Variants in ARVCF observed in about 807,000 individuals in gnomAD.
ARVCF encodes the protein splicing regulator ARVCF.
ARVCF carries 66 observed loss-of-function variants against 90.9 expected under a neutral mutation model. The observed-to-expected ratio is 0.73, with a 90% CI of 0.60 to 0.89. The LOEUF (loss-of-function observed/expected upper bound fraction) is 0.89, where lower values mean the gene tolerates loss of function less well. ARVCF is among the 40% of genes least tolerant of loss of function. The probability of loss-of-function intolerance (pLI) is 0.00; values close to 1 mark genes in which losing one functional copy is unlikely to be tolerated. For synonymous variants in ARVCF, 653 were observed against 603.4 expected (o/e 1.08, Z -1.21); for missense variants, 1,469 against 1,382.3 (o/e 1.06, Z -1.00).
chr22:20,012,591 C>T (rs750622118), intron 1 of ARVCF, among the ~76,000 whole-genome samples: 5 of 152,266 alleles, frequency 3.3e-5, no homozygotes, highest in Admixed American at 2.0e-4. Context: ...GGGGGAATGA[C>T]CACGCCCTTT....
At chr22:19,979,609 C>G in intron 6 of ARVCF, 134 bp downstream of exon 6, 1 of 1,326,178 alleles carries the variant, frequency 7.5e-7, no homozygotes, top group Non-Finnish European at 1.0e-6. Context: ...CTGGGGCAAG[C>G]GTCTCAGCAG....
intron 3 of ARVCF, among the ~76,000 whole-genome samples, chr22:19,987,644 G>A (rs1392233012): frequency 6.6e-6 from 1 of 152,084 alleles, no homozygotes; most frequent in Non-Finnish European, 1.5e-5. Flanking sequence ...CACCTGCCAT[G>A]AAATGGGGGC....
Position 20,012,018 on chromosome 22 carries a change from A to G in ARVCF, c.-72-1510T>C, listed in dbSNP as rs138900476. On this transcript the variant is annotated intron_variant, in intron 1 of 19. Coordinates refer to ENST00000263207, the MANE Select transcript of ARVCF (RefSeq NM_001670.3). The stretch of plus-strand genomic sequence containing the variant: ...TTTACACATGGAGAAACTGGGTCCC[A>G]GCCAGACAAGGGCTGGGCCAGGATT... Among the ~76,000 whole-genome samples the G allele has an allele frequency of 4.8e-3, 729 of 151,908 alleles. 6 individuals are homozygous for G. The highest frequency in any genetic ancestry group is 0.016 in the African/African-American group (661 of 41,360).
At chr22:19,975,792 C>T in intron 10 of ARVCF, 35 bp from the exon 11 acceptor site, 1 of 1,607,214 alleles carries the variant, frequency 6.2e-7, no homozygotes, top group Non-Finnish European at 8.5e-7. Flanking sequence ...TGAGGCAGAC[C>T]CCATATGGGG....
chr22:19,977,263 G>T, intron 9 of ARVCF, 152 bp downstream of exon 9: 1 of 1,075,060 alleles, frequency 9.3e-7, no homozygotes, highest in Non-Finnish European at 1.3e-6. Flanking sequence ...GGGCAGTCCA[G>T]CCTCCTTGAC....
chr22:20,002,906 C>T (rs1003936599), intron 2 of ARVCF, among the ~76,000 whole-genome samples: 8 of 152,140 alleles, frequency 5.3e-5, no homozygotes, highest in Non-Finnish European at 1.0e-4. Flanking sequence ...TTTTTACTGG[C>T]TCAGGAAATT....
chr22:20,010,224 C>G (rs1944776643), intron 2 of ARVCF, among the ~76,000 whole-genome samples: 1 of 152,250 alleles, frequency 6.6e-6, no homozygotes, highest in African/African-American at 2.4e-5. Flanking sequence ...GACATCAAAC[C>G]AGTGGCTGCT....
At chr22:19,969,428 G>A (rs1249639814), downstream of ARVCF, 1 of 152,518 alleles carries the variant, frequency 6.6e-6, no homozygotes, top group African/African-American at 2.4e-5. Context: ...AAGAGGCAAT[G>A]GCTCAGACCA....
At chr22:19,998,192 G>A (rs772358670) in intron 2 of ARVCF, among the ~76,000 whole-genome samples, 2 of 152,216 alleles carry the variant, frequency 1.3e-5, no homozygotes, top group South Asian at 2.1e-4. Context: ...CAGTCACCAC[G>A]CTGGCCACCA....
intron 2 of ARVCF, among the ~76,000 whole-genome samples, chr22:19,992,055 C>A (rs148899228): frequency 4.1e-4 from 62 of 152,376 alleles, no homozygotes; most frequent in African/African-American, 1.3e-3. Flanking sequence ...GGACAGAGAG[C>A]CCCCAAGAGG....
At chr22:19,975,816 G>C (rs9606201) in intron 10 of ARVCF, 59 bp from the exon 11 acceptor site, 12 of 1,572,450 alleles carry the variant, frequency 7.6e-6, no homozygotes, top group Non-Finnish European at 9.6e-6. Flanking sequence ...GGGTGTATCA[G>C]GAGAGTTGGG....
chr22:19,980,517 G>C (rs1943434455), intron 5 of ARVCF: 3 of 420,634 alleles, frequency 7.1e-6, no homozygotes, highest in Admixed American at 4.1e-5. Context: ...CTGTCACCGG[G>C]CAGTTTCCCA....
intron 2 of ARVCF, among the ~76,000 whole-genome samples, chr22:19,999,408 G>A (rs1382004749): frequency 2.0e-5 from 3 of 152,202 alleles, no homozygotes; most frequent in Non-Finnish European, 4.4e-5. Context: ...CTGACTACTA[G>A]GGAGTGGGGC....
Position 19,980,085 on chromosome 22 carries a change from C to A in ARVCF, c.1054G>T (p.Glu352Ter). 3 of 1,583,422 alleles carry A rather than the reference C, an allele frequency of 1.9e-6. No individual in the cohort carries two copies. Among genetic ancestry groups the A allele is most frequent in the Non-Finnish European group, 2.6e-6 (3 of 1,166,352 alleles). ...AGCTCAGGGTCCCGCCAGCGCGGCT[C>A]CTTGCGGGCGCTATCCACTGAGGGC... ...RSPSVDSARK[E>*]PRWRDPELPE... Residue 352 changes from glutamate to a stop codon, truncating the protein, a stop_gained, in exon 6 of 20, where the codon GAG becomes TAG. Coordinates refer to ENST00000263207, the MANE Select transcript of ARVCF (RefSeq NM_001670.3). LOFTEE classifies it high-confidence loss of function.
intron 2 of ARVCF, among the ~76,000 whole-genome samples, chr22:20,005,585 C>T (rs757827704): frequency 2.6e-5 from 4 of 151,994 alleles, no homozygotes; most frequent in Admixed American, 6.6e-5. Flanking sequence ...TTTGGGAGGC[C>T]GAGGCGGGTG....
chr22:19,998,901 C>T (rs1036212625), intron 2 of ARVCF, among the ~76,000 whole-genome samples: 1 of 152,202 alleles, frequency 6.6e-6, no homozygotes, highest in Non-Finnish European at 1.5e-5. Flanking sequence ...CCTCAGCCTC[C>T]GTCTTCACCT....
downstream of ARVCF, chr22:19,968,718 C>A: frequency 6.2e-7 from 1 of 1,609,570 alleles, no homozygotes; most frequent in East Asian, 2.2e-5. Flanking sequence ...AGGGCCCAGG[C>A]AGCGAAGCAG....
At position 19,972,736 on chromosome 22, in the gene ARVCF, C is replaced by T. The variant is rs897966498; in HGVS notation, c.2641+1G>A. 6.2e-7 allele frequency: 1 copy of T among 1,608,144 alleles called. No homozygotes were observed. Among genetic ancestry groups the T allele is most frequent in the Non-Finnish European group, 8.5e-7 (1 of 1,177,052 alleles). On this transcript the variant is annotated splice_donor_variant, in intron 16 of 19. Transcript: ENST00000263207. LOFTEE classifies it high-confidence loss of function. ...TAGGCTCCCTAAGCTCCACCACTCA[C>T]CAAGGCTCTTGTCCACCAGTGGCAG...
chr22:19,973,140 A>G lies in ARVCF; in HGVS notation c.2417T>C (p.Leu806Ser). ...SLLQARGVPA[L>S]VALVASSQSV... ...ACACCTGGAGGCCACGAGAGCCACC[A>G]ACGCTGGCACCCCGCGTGCCTGCAG... Residue 806 changes from leucine (L) to serine (S), a missense_variant, in exon 14 of 20, where the codon TTG (leucine) becomes TCG (serine). Coordinates refer to ENST00000263207, the MANE Select transcript of ARVCF (RefSeq NM_001670.3). The G allele has an allele frequency of 6.7e-7, 1 of 1,489,078 alleles. No individual in the cohort carries two copies. Among genetic ancestry groups the G allele is most frequent in the East Asian group, 3.1e-5 (1 of 32,534 alleles). 92.2% of individuals were successfully genotyped at this position (1,489,078 alleles called of 1,614,324 possible).
Sources: allele counts gnomAD v4.1 joint callset (sites outside exome capture counted in the v4.1 genomes callset), GRCh38; gene constraint gnomAD v4.1.1; transcripts MANE v1.5; gene names NCBI Gene and HGNC (gene_info 2026-07-23, HGNC 2026-07-21).